Variants in ZFYVE21 observed in about 807,000 individuals in gnomAD.
ZFYVE21 encodes the protein zinc finger FYVE-type containing 21.
ZFYVE21 carries 21 observed loss-of-function variants against 29.5 expected under a neutral mutation model. The observed-to-expected ratio is 0.71, with a 90% CI of 0.50 to 1.02. ZFYVE21 has a LOEUF of 1.02. Among genes scored for constraint, ZFYVE21 ranks in the 50% least tolerant of loss-of-function variants. The pLI is 0.00. For synonymous variants in ZFYVE21, 151 were observed against 133.8 expected, an observed-to-expected ratio of 1.13 and a Z score of -0.89; for missense variants, 326 against 335.4, an observed-to-expected ratio of 0.97 and a Z score of 0.22.
Position 103,726,664 on chromosome 14 carries a change from C to T in ZFYVE21, c.139-128C>T. ...TCCACCGTCCTGCGTCACAACCCTGCCTGCCTCAGGCTGCTTGGGTGCGTG... is the reference window on the plus strand; with the variant it reads ...TCCACCGTCCTGCGTCACAACCCTGTCTGCCTCAGGCTGCTTGGGTGCGTG... On this transcript the variant is annotated intron_variant, in intron 1 of 6. Transcript: ENST00000311141. The T allele has an allele frequency of 2.5e-6, 3 of 1,195,624 alleles. No homozygotes were observed. In the South Asian group the frequency reaches 4.0e-5, roughly 16 times the overall value. The allele number at this position is 1,195,624 out of a possible 1,614,324, so 74.1% of individuals were successfully genotyped here.
At chr14:103,728,844 C>G (rs575096407) in intron 3 of ZFYVE21, 64 bp from the exon 4 acceptor site, 16 of 1,521,580 alleles carry the variant, frequency 1.1e-5, no homozygotes, top group Non-Finnish European at 1.5e-5. Flanking sequence ...TACTGGTACT[C>G]GTGGGAAGGG....
At position 103,730,018 on chromosome 14, in the gene ZFYVE21, A is replaced by G. The variant is rs1359962340; in HGVS notation, c.526+836A>G. On this transcript the variant is annotated intron_variant, in intron 5 of 6. Transcript: ENST00000311141. The stretch of plus-strand genomic sequence containing the variant: ...TTGGATCTGATAAGTGGGTTTATAA[A>G]GCATAAATGAAGATACCGCAGCAGA... 9.6e-6 allele frequency: 7 copies of G among 726,322 alleles called. No individual in the cohort carries two copies. In the East Asian group the frequency reaches 2.0e-4, roughly 20 times the overall value. 45.0% of individuals were successfully genotyped at this position (726,322 alleles called of 1,614,324 possible). A position where few individuals can be genotyped will look rare whatever the true frequency, so the allele number is the denominator to read the frequency against.
chr14:103,719,419 C>G (rs1262086365), intron 1 of ZFYVE21, among the ~76,000 whole-genome samples: 1 of 148,692 alleles, frequency 6.7e-6, no homozygotes, highest in Non-Finnish European at 1.5e-5. Context: ...TGTGCCACTG[C>G]ACTTCAGCCT....
chr14:103,727,187 C>T, intron 2 of ZFYVE21: 2 of 347,724 alleles, frequency 5.8e-6, no homozygotes, highest in South Asian at 4.7e-5. Flanking sequence ...CTCAAATGAT[C>T]CTCCCACCTC....
intron 5 of ZFYVE21, 87 bp downstream of exon 5, chr14:103,729,269 C>A: frequency 7.1e-7 from 1 of 1,405,712 alleles, no homozygotes; most frequent in African/African-American, 1.4e-5. Flanking sequence ...TGGGATCAGG[C>A]AGCTGCCCTG....
At chr14:103,728,054 G>A in intron 3 of ZFYVE21, 140 bp downstream of exon 3, 1 of 950,242 alleles carries the variant, frequency 1.1e-6, no homozygotes, top group Admixed American at 2.9e-5. Flanking sequence ...TTTTCTTCTG[G>A]ATTCGTTTAG....
chr14:103,718,106 G>C (rs986614369), intron 1 of ZFYVE21, among the ~76,000 whole-genome samples: 1 of 152,250 alleles, frequency 6.6e-6, no homozygotes, highest in African/African-American at 2.4e-5. Flanking sequence ...CAGATAACCA[G>C]TTGTGGGAAA....
At chr14:103,718,767 C>G (rs2083849231) in intron 1 of ZFYVE21, among the ~76,000 whole-genome samples, 1 of 152,232 alleles carries the variant, frequency 6.6e-6, no homozygotes, top group Non-Finnish European at 1.5e-5. Context: ...CCCCTCCCAC[C>G]TCCCATCCGT....
At chr14:103,727,605 C>T (rs779121603) in intron 2 of ZFYVE21, 141 bp from the exon 3 acceptor site, 43 of 1,083,886 alleles carry the variant, frequency 4.0e-5, no homozygotes, top group Admixed American at 7.9e-5. Context: ...GGGCTGGCGA[C>T]AGGAGGTGCG....
At chr14:103,724,926 A>T (rs568587406) in intron 1 of ZFYVE21, 1 of 152,284 alleles carries the variant, frequency 6.6e-6, no homozygotes, top group African/African-American at 2.4e-5. Context: ...GCAGCCCCCA[A>T]TGCGCTGCTG....
At chr14:103,717,984 TA>T (rs2083842033) in intron 1 of ZFYVE21, among the ~76,000 whole-genome samples, 2 of 152,190 alleles carry the variant, frequency 1.3e-5, no homozygotes, top group African/African-American at 4.8e-5. Flanking sequence ...AGGGGACATG[TA>T]CGGTAACAGT....
At chr14:103,732,342 C>CTTGTCTGGAGGAT (rs1416163859) in intron 5 of ZFYVE21, 1 of 333,326 alleles carries the variant, frequency 3.0e-6, no homozygotes, top group African/African-American at 2.1e-5. Context: ...GAGAGCAAGG[C>CTTGTCTGGAGGAT]CTCTCGTGGT....
chr14:103,715,835 C>T lies in ZFYVE21; in HGVS notation c.-7C>T, dbSNP rs565949736. ...GGGGCCGCTGGCCGAGAGGCTGAGGCGGCGTCATGTCCTCCGAGGTGTCCG... is the reference window on the plus strand; with the variant it reads ...GGGGCCGCTGGCCGAGAGGCTGAGGTGGCGTCATGTCCTCCGAGGTGTCCG... On this transcript the variant is annotated 5_prime_UTR_variant, in exon 1 of 7. Coordinates refer to ENST00000311141, the MANE Select transcript of ZFYVE21 (RefSeq NM_024071.4). The T allele has an allele frequency of 4.5e-5, 63 of 1,393,524 alleles. No individual in the cohort carries two copies. The highest frequency in any genetic ancestry group is 5.3e-4 in the Middle Eastern group (2 of 3,770). The allele number at this position is 1,393,524 out of a possible 1,614,324, so 86.3% of individuals were successfully genotyped here. A position where few individuals can be genotyped will look rare whatever the true frequency, so the allele number is the denominator to read the frequency against.
In ZFYVE21 at chr14:103,716,253, GGT is replaced by G. The variant is rs1173629680; in HGVS notation, c.138+276_138+277del. On this transcript the variant is annotated intron_variant, in intron 1 of 6. Transcript: ENST00000311141. This position sits in a 1 kb window ranked among gnomAD's most constrained non-coding sequence, Gnocchi z 4.8. ...GTCCAGGGCGGGCGCCGGGAGGCGG[GGT>G]GCGGGGCGCGGGCTGGTCCCGGGGG... 6.6e-6 allele frequency among the ~76,000 whole-genome samples: 1 copy of G among 152,090 alleles called. No homozygotes were observed. The highest frequency in any genetic ancestry group is 2.4e-5 in the African/African-American group (1 of 41,450).
intron 5 of ZFYVE21, chr14:103,732,000 C>T (rs965874458): frequency 1.3e-5 from 2 of 152,416 alleles, no homozygotes; most frequent in East Asian, 1.9e-4. Context: ...GAGACCAGTC[C>T]CCAACATGGG....
intron 5 of ZFYVE21, chr14:103,729,416 C>T: frequency 1.7e-6 from 1 of 579,816 alleles, no homozygotes; most frequent in Non-Finnish European, 3.1e-6. Flanking sequence ...TTTGCCTCAG[C>T]ATGTCATAAT....
In ZFYVE21 at chr14:103,729,109, A is replaced by C. The variant is rs887616543; in HGVS notation, c.453A>C (p.Gly151=). The part of the protein sequence containing the change: ...SNNQRYLFLD[G]DSHYEIEIVH... ...GATGTAGATACTTGTTTCTGGATGG[A>C]GACAGCCACTATGAAATCGAAATTG... Residue 151 remains glycine (G), a synonymous_variant, in exon 5 of 7, where the codon GGA becomes GGC. Transcript: ENST00000311141. 9.9e-6 allele frequency: 16 copies of C among 1,613,966 alleles called. No individual in the cohort carries two copies. The highest frequency in any genetic ancestry group is 1.3e-5 in the Non-Finnish European group (15 of 1,180,030).
rs1016510733 is a variant in ZFYVE21 at position 103,727,593 on chromosome 14, A to C, written c.190-153A>C. The C allele has an allele frequency of 3.1e-6, 3 of 957,634 alleles. No individual in the cohort carries two copies. The African/African-American group carries it at 4.9e-5, about 16-fold the overall frequency. The allele number at this position is 957,634 out of a possible 1,614,324, so 59.3% of individuals were successfully genotyped here. On this transcript the variant is annotated intron_variant, in intron 2 of 6. Coordinates refer to ENST00000311141, the MANE Select transcript of ZFYVE21 (RefSeq NM_024071.4). ...ATCCCCGCTGCGTGGTGGGGAGCCC[A>C]GGGGCTGGCGACAGGAGGTGCGCGT... is the stretch of plus-strand genomic sequence containing the variant.
rs189663233 is a variant in ZFYVE21, at chr14:103,727,578, C to T, written c.190-168C>T. 2.1e-4 allele frequency: 176 copies of T among 821,772 alleles called. 1 individual carries two copies. The African/African-American group carries it at 2.5e-3, about 12-fold the overall frequency. 50.9% of individuals were successfully genotyped at this position (821,772 alleles called of 1,614,324 possible). A position where few individuals can be genotyped will look rare whatever the true frequency, so the allele number is the denominator to read the frequency against. Reference sequence around the variant, plus strand: ...TCCCAGGTGAGGCGGATCCCCGCTGCGTGGTGGGGAGCCCAGGGGCTGGCG... The same window carrying T: ...TCCCAGGTGAGGCGGATCCCCGCTGTGTGGTGGGGAGCCCAGGGGCTGGCG... On this transcript the variant is annotated intron_variant, in intron 2 of 6. Coordinates refer to ENST00000311141, the MANE Select transcript of ZFYVE21 (RefSeq NM_024071.4).
Sources: gnomAD v4.1 joint callset for allele counts (sites outside exome capture counted in the v4.1 genomes callset) on GRCh38, gnomAD v4.1.1 for gene constraint, Gnocchi (gnomAD v3.1) non-coding constraint, MANE v1.5 for transcripts, NCBI Gene and HGNC (gene_info 2026-07-23, HGNC 2026-07-21) for gene names.